The following TOPAZ1 variants were observed in gnomAD, a reference collection of about 807,000 sequenced individuals.
The protein encoded by TOPAZ1 is testis and ovary specific TOPAZ 1.
In TOPAZ1, 66 loss-of-function variants were observed where a neutral mutation model predicts 172.2. The observed-to-expected ratio is 0.38, with a 90% confidence interval of 0.31 to 0.47. The LOEUF is 0.47. Among genes scored for constraint, TOPAZ1 ranks in the 20% least tolerant of loss-of-function variants. The pLI is 0.99. For missense variants in TOPAZ1, 1,822 were observed against 1,972.4 expected (o/e 0.92, Z 1.44); for synonymous variants, 681 against 683.9 (o/e 1.00, Z 0.07).
At chr3:44,262,582 C>T (rs1215240414) in intron 5 of TOPAZ1, 99 bp downstream of exon 5, 1 of 582,806 alleles carries the variant, frequency 1.7e-6, no homozygotes, top group African/African-American at 1.9e-5. Flanking sequence ...TATGCTTGGG[C>T]TATATGCCAT....
intron 5 of TOPAZ1, among the ~76,000 whole-genome samples, chr3:44,264,979 A>G (rs569473255): frequency 6.6e-6 from 1 of 152,316 alleles, no homozygotes; most frequent in African/African-American, 2.4e-5. Flanking sequence ...TTCCACAACT[A>G]AAGTGTTTAA....
At chr3:44,292,951 G>A (rs920271332) in intron 12 of TOPAZ1, among the ~76,000 whole-genome samples, 1 of 152,056 alleles carries the variant, frequency 6.6e-6, no homozygotes. Flanking sequence ...TATACCCTCT[G>A]CCCCTTTCTG....
At position 44,245,274 on chromosome 3, in the gene TOPAZ1, A is replaced by G; in HGVS notation, c.2765+3A>G. ...AAAGAACCAAGTGATGACTTAAGGT[A>G]TGCATGTTCAAGTATTCCTTTTAGT... On this transcript the variant is annotated splice_donor_region_variant and intron_variant, in intron 2 of 19. Transcript: ENST00000309765. The G allele has an allele frequency of 2.0e-6, 3 of 1,521,040 alleles. No individual in the cohort carries two copies. Among genetic ancestry groups the G allele is most frequent in the South Asian group, 1.3e-5 (1 of 78,206 alleles). 94.2% of individuals were successfully genotyped at this position (1,521,040 alleles called of 1,614,324 possible). A position where few individuals can be genotyped will look rare whatever the true frequency, so the allele number is the denominator to read the frequency against.
chr3:44,260,320 C>A (rs1452861526), intron 4 of TOPAZ1, among the ~76,000 whole-genome samples: 2 of 152,124 alleles, frequency 1.3e-5, no homozygotes, highest in African/African-American at 4.8e-5. Flanking sequence ...CATATCTATT[C>A]TTGTCATATG....
chr3:44,279,994 G>A (rs9827696), intron 8 of TOPAZ1, among the ~76,000 whole-genome samples: 1,555 of 152,156 alleles, frequency 0.01, 25 homozygotes, highest in African/African-American at 0.036. Flanking sequence ...TTACATCATG[G>A]TAGATATCAT....
intron 5 of TOPAZ1, among the ~76,000 whole-genome samples, chr3:44,265,214 A>G (rs1024855968): frequency 6.6e-6 from 1 of 152,208 alleles, no homozygotes; most frequent in Admixed American, 6.5e-5. Flanking sequence ...TTGAAAGTCA[A>G]AATTACTTCT....
intron 19 of TOPAZ1, among the ~76,000 whole-genome samples, chr3:44,329,037 A>G (rs987912371): frequency 2.0e-5 from 3 of 152,234 alleles, no homozygotes; most frequent in African/African-American, 4.8e-5. Flanking sequence ...AACTTGCAAT[A>G]TAAGGATCTC....
At chr3:44,262,332 C>T (rs1699783940) in intron 4 of TOPAZ1, 87 bp from the exon 5 acceptor site, 2 of 554,278 alleles carry the variant, frequency 3.6e-6, no homozygotes, top group Non-Finnish European at 6.1e-6. Context: ...ACATCTAATA[C>T]ATTATAATAA....
chr3:44,333,460 TAA>T (rs1367873749), downstream of TOPAZ1, among the ~76,000 whole-genome samples: 27 of 152,204 alleles, frequency 1.8e-4, no homozygotes, highest in Non-Finnish European at 4.4e-5. Context: ...TGGGCATTTG[TAA>T]ATTAGTCATT....
At chr3:44,332,197 A>T, downstream of TOPAZ1, 1 of 544,156 alleles carries the variant, frequency 1.8e-6, no homozygotes, top group South Asian at 2.7e-5. Context: ...TCACACAGAA[A>T]AGTGACTTTT....
intron 18 of TOPAZ1, among the ~76,000 whole-genome samples, chr3:44,326,465 C>T (rs1259754866): frequency 6.6e-6 from 1 of 152,006 alleles, no homozygotes; most frequent in Non-Finnish European, 1.5e-5. Flanking sequence ...TTGAGAATGC[C>T]TATTAAATCT....
At chr3:44,315,747 G>GAATA (rs778494407) in intron 16 of TOPAZ1, among the ~76,000 whole-genome samples, 2 of 152,020 alleles carry the variant, frequency 1.3e-5, no homozygotes, top group Non-Finnish European at 2.9e-5. Context: ...GTCTTTGATT[G>GAATA]AATACCACAG....
chr3:44,308,995 C>A (rs901737021), intron 15 of TOPAZ1, among the ~76,000 whole-genome samples: 5 of 152,128 alleles, frequency 3.3e-5, no homozygotes, highest in African/African-American at 1.2e-4. Flanking sequence ...TGTTTTTGTA[C>A]AGCCCTCAAG....
In TOPAZ1 at chr3:44,244,995, G is replaced by A. The variant is rs564499009; in HGVS notation, c.2489G>A (p.Arg830Gln). The A allele has an allele frequency of 8.4e-6, 13 of 1,551,618 alleles. No homozygotes were observed. The East Asian group carries it at 9.8e-5, about 12-fold the overall frequency. The part of the protein sequence containing the change: ...SFCCNEQETF[R>Q]PVSSEVRGRK... Reference sequence around the variant, plus strand: ...TGCTGTAATGAACAAGAAACATTCCGACCAGTGTCCAGTGAAGTTAGGGGT... The same window carrying A: ...TGCTGTAATGAACAAGAAACATTCCAACCAGTGTCCAGTGAAGTTAGGGGT... Residue 830 changes from arginine to glutamine, a missense_variant, in exon 2 of 20, where the codon CGA (arginine) becomes CAA (glutamine). By Grantham distance (43) the Arg-to-Gln change is conservative. Coordinates refer to ENST00000309765, the MANE Select transcript of TOPAZ1 (RefSeq NM_001145030.2).
At chr3:44,332,124 A>G, downstream of TOPAZ1, 1 of 698,652 alleles carries the variant, frequency 1.4e-6, no homozygotes, top group Non-Finnish European at 2.3e-6. Flanking sequence ...TTATTGACTT[A>G]CAGCAAGTTA....
At chr3:44,322,378 GT>G (rs1483301617) in intron 17 of TOPAZ1, among the ~76,000 whole-genome samples, 5 of 152,162 alleles carry the variant, frequency 3.3e-5, no homozygotes, top group Non-Finnish European at 5.9e-5. Flanking sequence ...GGTCTGAACT[GT>G]AGATATAATA....
intron 9 of TOPAZ1, 149 bp from the exon 10 acceptor site, chr3:44,287,240 C>T: frequency 2.3e-6 from 1 of 427,988 alleles, no homozygotes; most frequent in Non-Finnish European, 3.9e-6. Context: ...TAATTTTCAT[C>T]TACTCTTTCT....
intron 16 of TOPAZ1, among the ~76,000 whole-genome samples, chr3:44,320,309 A>G (rs1209383729): frequency 1.3e-5 from 2 of 152,226 alleles, no homozygotes; most frequent in Admixed American, 6.5e-5. Flanking sequence ...AAGAAAAGCT[A>G]TTCGCTGGTC....
intron 12 of TOPAZ1, among the ~76,000 whole-genome samples, chr3:44,298,327 G>C (rs866845113): frequency 6.6e-6 from 1 of 152,056 alleles, no homozygotes; most frequent in African/African-American, 2.4e-5. Context: ...ATGATGTCAC[G>C]CACCTGTAGT....
Sources: allele counts gnomAD v4.1 joint callset (sites outside exome capture counted in the v4.1 genomes callset), GRCh38; gene constraint gnomAD v4.1.1; transcripts MANE v1.5; gene names NCBI Gene and HGNC (gene_info 2026-07-23, HGNC 2026-07-21).